Variants in SNX31 observed in about 807,000 individuals in gnomAD.
The protein encoded by SNX31 is sorting nexin-31.
SNX31 carries 58 observed loss-of-function variants against 65.4 expected under a neutral mutation model. The observed-to-expected ratio is 0.89, with a 90% CI of 0.72 to 1.10. The LOEUF (loss-of-function observed/expected upper bound fraction) is 1.10. SNX31 is among the 50% of genes least tolerant of loss of function. The pLI is 0.00. For missense variants in SNX31, 523 were observed against 529.7 expected (o/e 0.99, Z 0.12); for synonymous variants, 181 against 190.1 (o/e 0.95, Z 0.39).
chr8:100,647,194 G>T (rs144404589), intron 2 of SNX31, among the ~76,000 whole-genome samples: 2 of 152,168 alleles, frequency 1.3e-5, no homozygotes, highest in African/African-American at 4.8e-5. Flanking sequence ...ATTCATATGC[G>T]ATATATGGAA....
chr8:100,607,166 G>A (rs901939589), intron 8 of SNX31, among the ~76,000 whole-genome samples: 2 of 152,204 alleles, frequency 1.3e-5, no homozygotes, highest in African/African-American at 2.4e-5. Flanking sequence ...GCAGGGCAGG[G>A]CTGTGACCCA....
rs1053104407 is a variant in SNX31, at chr8:100,630,603, G to A, written c.257-212C>T. Among the ~76,000 whole-genome samples the A allele has an allele frequency of 6.6e-5, 10 of 152,160 alleles. No individual in the cohort carries two copies. The highest frequency in any genetic ancestry group is 1.3e-4 in the Non-Finnish European group (9 of 68,028). On this transcript the variant is annotated intron_variant, in intron 3 of 13. Coordinates refer to ENST00000311812, the MANE Select transcript of SNX31 (RefSeq NM_152628.4). This position sits in a 1 kb window ranked among gnomAD's most constrained non-coding sequence, Gnocchi z 5.3. ...AACAGGAACCCATGACACCCATCCA[G>A]GGTGACAGTGTTCCCAGGCATCTCA...
At position 100,596,825 on chromosome 8, in the gene SNX31, C is replaced by T; in HGVS notation, c.792G>A (p.Arg264=). The T allele has an allele frequency of 2.5e-6, 4 of 1,613,710 alleles. No individual in the cohort carries two copies. Among genetic ancestry groups the T allele is most frequent in the Non-Finnish European group, 3.4e-6 (4 of 1,180,018 alleles). ...DSQTKFLELA[R]EVRHYGYLQL... is the part of the protein sequence containing the mutation. ...GCAGGTATCCATAGTGCCGTACCTC[C>T]CGGGCCAGCTCCAAAAACTGCTCCA... Residue 264 remains arginine, a synonymous_variant, in exon 10 of 14, where the codon CGG becomes CGA. Transcript: ENST00000311812.
intron 12 of SNX31, among the ~76,000 whole-genome samples, chr8:100,580,549 C>T (rs1813405017): frequency 6.6e-6 from 1 of 152,316 alleles, no homozygotes; most frequent in Non-Finnish European, 1.5e-5. Context: ...CTGAGTGAGA[C>T]TTCTGAAACT....
intron 3 of SNX31, among the ~76,000 whole-genome samples, chr8:100,635,288 G>A (rs1015571399): frequency 3.3e-5 from 5 of 149,470 alleles, no homozygotes; most frequent in Admixed American, 2.8e-4. Context: ...CACCCAGGCT[G>A]GAGTACGGTG....
In SNX31 at chr8:100,625,424, A is replaced by G. The variant is rs1294597515; in HGVS notation, c.321+4903T>C. 6.7e-6 allele frequency among the ~76,000 whole-genome samples: 1 copy of G among 150,290 alleles called. No individual in the cohort carries two copies. Among genetic ancestry groups the G allele is most frequent in the African/African-American group, 2.4e-5 (1 of 41,018 alleles). ...TGGCTATTAGACATTCCTCTGCCTC[A>G]GAGCAGAATAGCAACAAAGCACACC... On this transcript the variant is annotated intron_variant, in intron 4 of 13. Coordinates refer to ENST00000311812, the MANE Select transcript of SNX31 (RefSeq NM_152628.4). This position sits in a 1 kb window ranked among gnomAD's most constrained non-coding sequence, Gnocchi z 4.2.
At chr8:100,652,864 T>C (rs1468372311), upstream of SNX31, among the ~76,000 whole-genome samples, 1 of 152,130 alleles carries the variant, frequency 6.6e-6, no homozygotes, top group East Asian at 1.9e-4. Flanking sequence ...CCAGCCAATG[T>C]GCATTATGGG....
intron 2 of SNX31, among the ~76,000 whole-genome samples, chr8:100,643,948 A>G (rs1001901621): frequency 2.0e-5 from 3 of 152,210 alleles, no homozygotes; most frequent in African/African-American, 7.2e-5. Flanking sequence ...ATCTCATGCA[A>G]TCAAGGAGGA....
intron 12 of SNX31, among the ~76,000 whole-genome samples, chr8:100,577,844 T>C (rs1397549486): frequency 6.6e-6 from 1 of 152,134 alleles, no homozygotes; most frequent in Non-Finnish European, 1.5e-5. Context: ...GGTTCCAACA[T>C]GGAGAAATAA....
At chr8:100,599,710 CA>C (rs1397168725) in intron 9 of SNX31, among the ~76,000 whole-genome samples, 1 of 152,134 alleles carries the variant, frequency 6.6e-6, no homozygotes, top group Non-Finnish European at 1.5e-5. Context: ...GACAACACAA[CA>C]AAACAGAGGC....
At chr8:100,640,877 G>A (rs986330024) in intron 2 of SNX31, among the ~76,000 whole-genome samples, 2 of 152,118 alleles carry the variant, frequency 1.3e-5, no homozygotes, top group East Asian at 1.9e-4. Flanking sequence ...GTGGTACACT[G>A]GCCAGGGTCC....
intron 10 of SNX31, among the ~76,000 whole-genome samples, chr8:100,595,853 G>A (rs984360101): frequency 6.6e-6 from 1 of 152,222 alleles, no homozygotes; most frequent in African/African-American, 2.4e-5. Flanking sequence ...AGAATATGTA[G>A]AGGAATGATG....
chr8:100,653,631 C>T (rs1229808907), upstream of SNX31, among the ~76,000 whole-genome samples: 1 of 152,224 alleles, frequency 6.6e-6, no homozygotes, highest in Non-Finnish European at 1.5e-5. Flanking sequence ...GCTCTGCCGA[C>T]ACTTTGATTT....
At position 100,575,517 on chromosome 8, in the gene SNX31, A is replaced by G. The variant is rs1450682849; in HGVS notation, c.1227+1502T>C. ...GTATTAGAGTTACCACTCATCCGAGAGGACAACTGAACTGATCACAGTTGT... is the reference window on the plus strand; with the variant it reads ...GTATTAGAGTTACCACTCATCCGAGGGGACAACTGAACTGATCACAGTTGT... On this transcript the variant is annotated intron_variant, in intron 13 of 13. Transcript: ENST00000311812. The surrounding 1 kb of genome is among the most constrained non-coding windows in gnomAD (Gnocchi z 5.1). Among the ~76,000 whole-genome samples, 3 of 152,188 alleles carry G rather than the reference A, an allele frequency of 2.0e-5. No individual in the cohort carries two copies. Among genetic ancestry groups the G allele is most frequent in the African/African-American group, 7.2e-5 (3 of 41,450 alleles).
intron 5 of SNX31, among the ~76,000 whole-genome samples, chr8:100,616,404 C>T (rs917419806): frequency 1.4e-4 from 21 of 152,184 alleles, no homozygotes; most frequent in African/African-American, 2.4e-5. Flanking sequence ...ACCTGCCTGG[C>T]CCCAGACACA....
Position 100,578,305 on chromosome 8 carries a change from C to T in SNX31, c.1171-1230G>A, listed in dbSNP as rs1284607129. Among the ~76,000 whole-genome samples the T allele has an allele frequency of 6.6e-6, 1 of 152,202 alleles. No homozygotes were observed. Among genetic ancestry groups the T allele is most frequent in the African/African-American group, 2.4e-5 (1 of 41,448 alleles). On this transcript the variant is annotated intron_variant, in intron 12 of 13. Coordinates refer to ENST00000311812, the MANE Select transcript of SNX31 (RefSeq NM_152628.4). The surrounding 1 kb of genome is among the most constrained non-coding windows in gnomAD (Gnocchi z 4.7). ...AAAGAACTGCTATGTGCGTTAGGTA[C>T]ATAACTCAAGCAAGTTGCAGTATTT... is the stretch of plus-strand genomic sequence containing the variant.
chr8:100,646,282 ACAGGTTATGGTGGCAAAT>A (rs941801368), intron 2 of SNX31, among the ~76,000 whole-genome samples: 7 of 152,182 alleles, frequency 4.6e-5, no homozygotes, highest in East Asian at 3.8e-4. Flanking sequence ...ATGGTCAAAA[ACAGGTTATGGTGGCAAAT>A]CAGGTTATGG....
chr8:100,591,088 AG>A (rs1321562849), intron 10 of SNX31, among the ~76,000 whole-genome samples: 2 of 152,206 alleles, frequency 1.3e-5, no homozygotes, highest in Admixed American at 1.3e-4. Context: ...CGAGAGCTCT[AG>A]GGAGTTTTTG....
At chr8:100,627,144 G>C (rs1818095353) in intron 4 of SNX31, among the ~76,000 whole-genome samples, 1 of 152,174 alleles carries the variant, frequency 6.6e-6, no homozygotes, top group Non-Finnish European at 1.5e-5. Flanking sequence ...ACAAGGTCAG[G>C]AGTTCAAGAC....
Sources: gnomAD v4.1 joint callset for allele counts (sites outside exome capture counted in the v4.1 genomes callset) on GRCh38, gnomAD v4.1.1 for gene constraint, Gnocchi (gnomAD v3.1) non-coding constraint, MANE v1.5 for transcripts, NCBI Gene and HGNC (gene_info 2026-07-23, HGNC 2026-07-21) for gene names.